The following MTMR2 variants were observed in gnomAD, a reference collection of about 807,000 sequenced individuals.
The protein encoded by MTMR2 is myotubularin related protein 2.
Under a neutral mutation model 86.9 loss-of-function variants are expected in MTMR2, and 55 were observed. The ratio of observed to expected loss-of-function variants is 0.63; its 90% CI spans 0.51 to 0.79. The LOEUF (loss-of-function observed/expected upper bound fraction) is 0.79, where lower values mean the gene tolerates loss of function less well. MTMR2 is among the 30% of genes least tolerant of loss of function. The probability of loss-of-function intolerance (pLI) is 0.00; values close to 1 mark genes in which losing one functional copy is unlikely to be tolerated. For missense variants in MTMR2, 659 were observed against 772.3 expected, an observed-to-expected ratio of 0.85 and a Z score of 1.74; for synonymous variants, 241 against 266.8, an observed-to-expected ratio of 0.90 and a Z score of 0.94.
Position 95,862,299 on chromosome 11 carries a change from A to G in MTMR2, c.330T>C (p.Tyr110=), listed in dbSNP as rs777436469. The G allele has an allele frequency of 4.3e-6, 7 of 1,613,908 alleles. No individual in the cohort carries two copies. Among genetic ancestry groups the G allele is most frequent in the Admixed American group, 1.7e-5 (1 of 59,994 alleles). The change falls in exon 4 of 15, where the codon TAT becomes TAC. Residue 110 remains tyrosine, a synonymous_variant. Transcript: ENST00000346299. The part of the protein sequence containing the change: ...AVRGTLTVTN[Y]RLYFKSMERD... ...GTTCCATGCTTTTGAAATATAACCTATAATTCGTGACAGTCAGAGTTCCTC... is the reference window on the plus strand; with the variant it reads ...GTTCCATGCTTTTGAAATATAACCTGTAATTCGTGACAGTCAGAGTTCCTC...
In MTMR2 at chr11:95,880,527, C is replaced by T. The variant is rs183861830; in HGVS notation, c.186+7629G>A. On this transcript the variant is annotated intron_variant, in intron 2 of 14. Transcript: ENST00000346299. ...GTAGATATTGCTATATTTCTCTCTA[C>T]TGTGGCTGTTTCAGCACTGTATGAG... 3.3e-4 allele frequency among the ~76,000 whole-genome samples: 50 copies of T among 152,182 alleles called. No individual in the cohort carries two copies. In the East Asian group the frequency reaches 9.5e-3, roughly 29 times the overall value.
rs923264718 is a variant in MTMR2, at chr11:95,840,195, C to T, written c.1479+1422G>A. 2.0e-5 allele frequency: 3 copies of T among 152,082 alleles called. No individual in the cohort carries two copies. The East Asian group carries it at 5.8e-4, about 29-fold the overall frequency. The allele number at this position is 152,082 out of a possible 1,614,324, so 9.4% of individuals were successfully genotyped here. Reference sequence around the variant, plus strand: ...TCTAGCAAACATATCAGAACTGATACATTCAAACACATCGTTTCCTTCAAG... The same window carrying T: ...TCTAGCAAACATATCAGAACTGATATATTCAAACACATCGTTTCCTTCAAG... On this transcript the variant is annotated intron_variant, in intron 12 of 14. Coordinates refer to ENST00000346299, the MANE Select transcript of MTMR2 (RefSeq NM_016156.6).
intron 13 of MTMR2, among the ~76,000 whole-genome samples, chr11:95,837,448 A>G (rs1863334240): frequency 6.6e-6 from 1 of 152,062 alleles, no homozygotes; most frequent in African/African-American, 2.4e-5. Context: ...AGAGGGAGAT[A>G]CCAATCAAGA....
intron 2 of MTMR2, among the ~76,000 whole-genome samples, chr11:95,872,047 A>T (rs945967811): frequency 6.6e-6 from 1 of 151,772 alleles, no homozygotes; most frequent in African/African-American, 2.4e-5. Flanking sequence ...ATAGTTGTAG[A>T]TATGTGTGAT....
intron 2 of MTMR2, among the ~76,000 whole-genome samples, chr11:95,882,653 C>G (rs896148157): frequency 6.6e-6 from 1 of 151,810 alleles, no homozygotes; most frequent in African/African-American, 2.4e-5. Flanking sequence ...AAGAACAAAA[C>G]ATATCCTTTA....
At chr11:95,917,675 A>G (rs1866759710) in intron 1 of MTMR2, among the ~76,000 whole-genome samples, 2 of 152,204 alleles carry the variant, frequency 1.3e-5, no homozygotes, top group Admixed American at 1.3e-4. Flanking sequence ...GAACTCTAAC[A>G]ATGAAAAAAA....
intron 1 of MTMR2, among the ~76,000 whole-genome samples, chr11:95,916,054 A>G (rs1007839218): frequency 6.6e-6 from 1 of 152,176 alleles, no homozygotes; most frequent in Non-Finnish European, 1.5e-5. Flanking sequence ...GTCTGCAGCA[A>G]TGTATTACCT....
In MTMR2 at chr11:95,854,544, C is replaced by T. The variant is rs564910383; in HGVS notation, c.654+3008G>A. Among the ~76,000 whole-genome samples the T allele has an allele frequency of 7.2e-5, 11 of 152,290 alleles. No homozygotes were observed. In the South Asian group the frequency reaches 1.5e-3, roughly 20 times the overall value. On this transcript the variant is annotated intron_variant, in intron 7 of 14. Transcript: ENST00000346299. ...GCAGTGGTACAATCACAGCTCACTG[C>T]AGCCTCAACCTCCAGGGCTCAAGCA... is the stretch of plus-strand genomic sequence containing the variant.
chr11:95,885,396 A>T (rs768244753), intron 2 of MTMR2, among the ~76,000 whole-genome samples: 9 of 152,118 alleles, frequency 5.9e-5, no homozygotes, highest in South Asian at 2.1e-4. Context: ...TGAAAACTGG[A>T]TGATGATTCT....
At chr11:95,865,721 G>A (rs201791649) in intron 2 of MTMR2, 45 bp from the exon 3 acceptor site, 9 of 1,522,310 alleles carry the variant, frequency 5.9e-6, no homozygotes, top group African/African-American at 2.7e-5. Context: ...TTATTCAAAG[G>A]CTACTTTTTC....
At chr11:95,914,946 C>G (rs1284177260) in intron 1 of MTMR2, among the ~76,000 whole-genome samples, 1 of 152,118 alleles carries the variant, frequency 6.6e-6, no homozygotes, top group Non-Finnish European at 1.5e-5. Flanking sequence ...TGAGAAAATG[C>G]ATAGAAGAAA....
Position 95,845,171 on chromosome 11 carries a change from A to T in MTMR2, c.1180-12T>A. 5 of 1,587,062 alleles carry T rather than the reference A, an allele frequency of 3.2e-6. No homozygotes were observed. The highest frequency in any genetic ancestry group is 4.3e-6 in the Non-Finnish European group (5 of 1,158,602). ...CCTGCAAGAATAAGCTGGAAAACAG[A>T]TTTTTTAATACATTGTTTTTAAACA... On this transcript the variant is annotated splice_polypyrimidine_tract_variant and intron_variant, in intron 10 of 14. Coordinates refer to ENST00000346299, the MANE Select transcript of MTMR2 (RefSeq NM_016156.6).
chr11:95,898,430 A>G (rs1304689108), intron 1 of MTMR2, among the ~76,000 whole-genome samples: 1 of 152,090 alleles, frequency 6.6e-6, no homozygotes, highest in Non-Finnish European at 1.5e-5. Context: ...AAATACAGAG[A>G]TAAATATGAC....
At chr11:95,863,454 CT>C (rs1864494305) in intron 3 of MTMR2, among the ~76,000 whole-genome samples, 1 of 152,122 alleles carries the variant, frequency 6.6e-6, no homozygotes, top group Admixed American at 6.6e-5. Flanking sequence ...GTATAAACTA[CT>C]TTTTTAAATC....
At position 95,913,780 on chromosome 11, in the gene MTMR2, A is replaced by C. The variant is rs1210305639; in HGVS notation, c.80+10095T>G. Among the ~76,000 whole-genome samples, 7 of 152,020 alleles carry C rather than the reference A, an allele frequency of 4.6e-5. 1 individual carries two copies. The highest frequency in any genetic ancestry group is 2.0e-4 in the Admixed American group (3 of 15,232). On this transcript the variant is annotated intron_variant, in intron 1 of 14. Coordinates refer to ENST00000346299, the MANE Select transcript of MTMR2 (RefSeq NM_016156.6). ...GAGGGGAAAAAAAGAAAGAATAGAGAAAGAGGGGGAAGGAAGGCGGCTAAC... is the reference window on the plus strand; with the variant it reads ...GAGGGGAAAAAAAGAAAGAATAGAGCAAGAGGGGGAAGGAAGGCGGCTAAC...
chr11:95,922,757 G>T (rs901495885), intron 1 of MTMR2, among the ~76,000 whole-genome samples: 1 of 152,168 alleles, frequency 6.6e-6, no homozygotes, highest in Admixed American at 6.5e-5. Flanking sequence ...AGTGCATATG[G>T]CAATGTAGAA....
At chr11:95,892,284 T>C (rs746356520) in intron 1 of MTMR2, among the ~76,000 whole-genome samples, 23 of 152,118 alleles carry the variant, frequency 1.5e-4, no homozygotes, top group Non-Finnish European at 2.9e-4. Flanking sequence ...TTTAATAACA[T>C]CCTACCTACC....
rs1158576040 is a variant in MTMR2, at chr11:95,903,853, G to A, written c.81-15592C>T. On this transcript the variant is annotated intron_variant, in intron 1 of 14. Transcript: ENST00000346299. ...CATTAGGCCAGGCATGGTGGCTCAT[G>A]CCTGTAATCCTAGCACATTAAAAGG... Among the ~76,000 whole-genome samples the A allele has an allele frequency of 1.8e-4, 27 of 152,170 alleles. 1 individual carries two copies. Among genetic ancestry groups the A allele is most frequent in the Admixed American group, 1.7e-3 (26 of 15,278 alleles).
intron 1 of MTMR2, among the ~76,000 whole-genome samples, chr11:95,910,660 T>C (rs892671996): frequency 2.6e-5 from 4 of 152,120 alleles, no homozygotes; most frequent in Non-Finnish European, 5.9e-5. Flanking sequence ...CAATATTCCG[T>C]AAAAAGAAAA....
Sources: allele counts gnomAD v4.1 joint callset (sites outside exome capture counted in the v4.1 genomes callset), GRCh38; gene constraint gnomAD v4.1.1; transcripts MANE v1.5; gene names NCBI Gene and HGNC (gene_info 2026-07-23, HGNC 2026-07-21).